Variants in INSL6 observed in about 807,000 individuals in gnomAD.
The protein encoded by INSL6 is insulin like 6.
INSL6 carries 16 observed loss-of-function variants against 9.4 expected under a neutral mutation model. The ratio of observed to expected loss-of-function variants is 1.70; its 90% CI spans 1.15 to 2.59. The LOEUF (loss-of-function observed/expected upper bound fraction) is 2.59, where lower values mean the gene tolerates loss of function less well. Ranked by LOEUF, INSL6 falls within the 30% of genes most tolerant of loss-of-function variation. INSL6 has a pLI of 0.00. For missense variants in INSL6, 391 were observed against 257.3 expected, an observed-to-expected ratio of 1.52 and a Z score of -3.56; for synonymous variants, 154 against 96.9, an observed-to-expected ratio of 1.59 and a Z score of -3.46.
intron 1 of INSL6, among the ~76,000 whole-genome samples, chr9:5,181,133 C>T (rs138516161): frequency 6.0e-4 from 91 of 152,122 alleles, no homozygotes; most frequent in South Asian, 1.7e-3. Flanking sequence ...TAATATTCCA[C>T]GCATCCCAAA....
chr9:5,091,095 G>A, the INSL6 span: 1 of 469,578 alleles, frequency 2.1e-6, no homozygotes, highest in Non-Finnish European at 3.7e-6. Context: ...GTGGGAAAAT[G>A]GCATATGCTT....
chr9:5,159,808 T>C (rs981619674), downstream of INSL6, among the ~76,000 whole-genome samples: 15 of 152,320 alleles, frequency 9.8e-5, no homozygotes, highest in African/African-American at 3.4e-4. Flanking sequence ...CTAATAGGTA[T>C]TTACAGAACA....
chr9:5,131,435 A>ATTTTTTTTTTTTTTTTTTTTTTT lies in INSL6; in HGVS notation c.*10+1989_*10+1990insAAAAAAAAAAAAAAAAAAAAAAA, dbSNP rs550915336. Among the ~76,000 whole-genome samples the ATTTTTTTTTTTTTTTTTTTTTTT allele has an allele frequency of 2.1e-3, 245 of 115,750 alleles. 36 individuals carry two copies. The highest frequency in any genetic ancestry group is 9.4e-3 in the African/African-American group (235 of 24,880). 75.9% of individuals were successfully genotyped at this position (115,750 alleles called of 152,430 possible). A position where few individuals can be genotyped will look rare whatever the true frequency, so the allele number is the denominator to read the frequency against. On this transcript the variant is annotated intron_variant, in intron 3 of 3. Coordinates refer to the INSL6 transcript ENST00000649639. ...AATTCTTTAACACCACCAGTTAACA[A>ATTTTTTTTTTTTTTTTTTTTTTT]TTTTTTTTTTTTTTTTTTTGAGACA... is the stretch of plus-strand genomic sequence containing the variant.
chr9:5,012,282 T>G, the INSL6 span, among the ~76,000 whole-genome samples: 4 of 152,218 alleles, frequency 2.6e-5, no homozygotes, highest in African/African-American at 7.2e-5. Flanking sequence ...CCTCATTCAG[T>G]GTATTCCCCT....
At chr9:5,047,531 T>A in the INSL6 span, among the ~76,000 whole-genome samples, 325 of 152,388 alleles carry the variant, frequency 2.1e-3, 5 homozygotes, top group Middle Eastern at 0.017. Context: ...TTACCTCATG[T>A]TCTTGGCATC....
At chr9:5,180,678 C>T (rs1015036288) in intron 1 of INSL6, among the ~76,000 whole-genome samples, 1 of 152,150 alleles carries the variant, frequency 6.6e-6, no homozygotes, top group African/African-American at 2.4e-5. Flanking sequence ...GACTGGTTCT[C>T]TGCTCTCAAA....
chr9:5,106,730 T>G, the INSL6 span, among the ~76,000 whole-genome samples: 3 of 151,868 alleles, frequency 2.0e-5, no homozygotes, highest in Non-Finnish European at 4.4e-5. Flanking sequence ...TAAACAAGGG[T>G]GAGTTCATGT....
At chr9:5,076,193 G>A in the INSL6 span, among the ~76,000 whole-genome samples, 6 of 152,298 alleles carry the variant, frequency 3.9e-5, no homozygotes, top group African/African-American at 1.4e-4. Context: ...ATTGTGAAAT[G>A]ACAACAAAGG....
the INSL6 span, among the ~76,000 whole-genome samples, chr9:5,086,712 CCT>C: frequency 6.6e-6 from 1 of 152,116 alleles, no homozygotes; most frequent in African/African-American, 2.4e-5. Flanking sequence ...CTGAAATCTC[CCT>C]GTCTGACTAT....
At chr9:5,026,874 C>G in the INSL6 span, among the ~76,000 whole-genome samples, 1 of 152,148 alleles carries the variant, frequency 6.6e-6, no homozygotes, top group East Asian at 1.9e-4. Flanking sequence ...ATTACATATG[C>G]ACTCACATTT....
At chr9:5,116,791 G>C in the INSL6 span, among the ~76,000 whole-genome samples, 2 of 152,096 alleles carry the variant, frequency 1.3e-5, no homozygotes, top group African/African-American at 2.4e-5. Context: ...CAACTGACAG[G>C]TCCACTACCC....
At chr9:5,109,152 A>G in the INSL6 span, 9 of 152,160 alleles carry the variant, frequency 5.9e-5, no homozygotes, top group Non-Finnish European at 1.3e-4. Flanking sequence ...ACATGTACCA[A>G]TCACAACACA....
the INSL6 span, among the ~76,000 whole-genome samples, chr9:5,092,819 T>C: frequency 5.9e-5 from 9 of 152,250 alleles, no homozygotes; most frequent in Admixed American, 2.0e-4. Flanking sequence ...TTGTCCAAGA[T>C]AGAATCTTAG....
At chr9:4,996,638 T>C in the INSL6 span, among the ~76,000 whole-genome samples, 1 of 151,658 alleles carries the variant, frequency 6.6e-6, no homozygotes, top group Admixed American at 6.6e-5. Context: ...GTTGTAATGA[T>C]ATTGCTGGAA....
the INSL6 span, chr9:5,085,110 G>A: frequency 1.5e-6 from 1 of 655,032 alleles, no homozygotes; most frequent in Non-Finnish European, 2.9e-6. Context: ...GGGCAAGGTA[G>A]GTTGTTTGTT....
At chr9:5,171,855 A>T (rs1199346732) in intron 1 of INSL6, among the ~76,000 whole-genome samples, 1 of 152,242 alleles carries the variant, frequency 6.6e-6, no homozygotes, top group Non-Finnish European at 1.5e-5. Flanking sequence ...AAACAAAAAA[A>T]AATTCCATGT....
the INSL6 span, among the ~76,000 whole-genome samples, chr9:5,103,800 C>G: frequency 6.6e-6 from 1 of 152,270 alleles, no homozygotes; most frequent in Non-Finnish European, 1.5e-5. Context: ...AATTGAACAA[C>G]CTGCTCCTGA....
rs1411630916 is a variant in INSL6 at position 5,185,322 on chromosome 9, GTGCC to G, written c.277_280del (p.Gly93GlnfsTer12). The stretch of plus-strand genomic sequence containing the variant: ...TCGGTTTCGATTTTTACCTGGGTTT[GTGCC>G]TCTTCCCCGGGCCGGGGAAGCGGTT... On this transcript the variant is annotated frameshift_variant, in exon 1 of 2. Coordinates refer to ENST00000381641, the MANE Select transcript of INSL6 (RefSeq NM_007179.3). LOFTEE classifies it low-confidence loss of function (END_TRUNC). 6.2e-7 allele frequency: 1 copy of G among 1,614,018 alleles called. No individual in the cohort carries two copies. The highest frequency in any genetic ancestry group is 8.5e-7 in the Non-Finnish European group (1 of 1,179,998).
intron 2 of INSL6, among the ~76,000 whole-genome samples, chr9:5,156,960 T>C (rs991858211): frequency 4.6e-5 from 7 of 152,126 alleles, no homozygotes; most frequent in Non-Finnish European, 7.4e-5. Flanking sequence ...GAGGTTGCAG[T>C]GAGCTGAGAC....
Sources: gnomAD v4.1 joint callset for allele counts (sites outside exome capture counted in the v4.1 genomes callset) on GRCh38, gnomAD v4.1.1 for gene constraint, MANE v1.5 for transcripts, NCBI Gene and HGNC (gene_info 2026-07-23, HGNC 2026-07-21) for gene names.